Variants in ZNF816 observed in about 807,000 individuals in gnomAD.
ZNF816 encodes zinc finger protein 816.
A neutral mutation model predicts 8.3 loss-of-function variants in ZNF816; 11 were observed. The ratio of observed to expected loss-of-function variants is 1.32; its 90% CI spans 0.83 to 2.19. ZNF816 has a LOEUF of 2.19. Among genes scored for constraint, ZNF816 ranks in the 30% most tolerant of loss-of-function variants. The pLI, the probability that ZNF816 is intolerant of heterozygous loss-of-function variation, is 0.00. For missense variants in ZNF816, 710 were observed against 779.3 expected (o/e 0.91, Z 1.06); for synonymous variants, 255 against 254.5 (o/e 1.00, Z -0.02).
At position 52,955,090 on chromosome 19, in the gene ZNF816, T is replaced by A. The variant is rs544445879; in HGVS notation, c.63+937A>T. On this transcript the variant is annotated intron_variant, in intron 2 of 3. Transcript: ENST00000444460. ...AATGGGTAGAAAAAGAATGGCTCCA[T>A]CCTCTCTAACGACGTAAGTTGTGCT... 5.3e-5 allele frequency among the ~76,000 whole-genome samples: 8 copies of A among 152,196 alleles called. 1 individual carries two copies. In the South Asian group the frequency reaches 1.7e-3, roughly 32 times the overall value.
chr19:52,954,594 G>A (rs540456204), intron 2 of ZNF816, among the ~76,000 whole-genome samples: 2 of 152,234 alleles, frequency 1.3e-5, no homozygotes, highest in East Asian at 1.9e-4. Flanking sequence ...GGAGGCCGAC[G>A]TGGAAGGATC....
rs753104603 is a variant in ZNF816, at chr19:52,950,890, A to G, written c.885T>C (p.Thr295=). The stretch of plus-strand genomic sequence containing the variant: ...GATGGCATACAAGGGATGACATCTG[A>G]GTGAAGGTCTTCCCACACTCATTAC... ...YKCNECGKTF[T]QMSSLVCHRR... The change falls in exon 4 of 4, where the codon ACT becomes ACC. Residue 295 remains threonine, a synonymous_variant. Transcript: ENST00000444460. 3.7e-6 allele frequency: 6 copies of G among 1,614,174 alleles called. No homozygotes were observed. Among genetic ancestry groups the G allele is most frequent in the Non-Finnish European group, 5.1e-6 (6 of 1,180,026 alleles).
chr19:52,954,825 A>C (rs2083495684), intron 2 of ZNF816, among the ~76,000 whole-genome samples: 1 of 151,788 alleles, frequency 6.6e-6, no homozygotes, highest in Non-Finnish European at 1.5e-5. Flanking sequence ...AAAAAAAAAA[A>C]AAAAAACCCC....
rs2083448260 is a variant in ZNF816, at chr19:52,950,601, T to C, written c.1174A>G (p.Thr392Ala). 1.2e-6 allele frequency: 2 copies of C among 1,614,162 alleles called. No individual in the cohort carries two copies. The highest frequency in any genetic ancestry group is 1.7e-6 in the Non-Finnish European group (2 of 1,180,020). Reference protein sequence around the residue: ...SSLQCHHILHTGEKPYKCEEC... With the variant: ...SSLQCHHILHAGEKPYKCEEC... ...TCACATTTGTAAGGTTTCTCTCCAGTGTGAAGTATATGATGGCATTGAAGG... is the reference window on the plus strand; with the variant it reads ...TCACATTTGTAAGGTTTCTCTCCAGCGTGAAGTATATGATGGCATTGAAGG... Residue 392 changes from threonine to alanine, a missense_variant, in exon 4 of 4, where the codon ACT becomes GCT. Transcript: ENST00000444460.
chr19:52,960,661 G>A (rs530443565), intron 1 of ZNF816, among the ~76,000 whole-genome samples: 1 of 152,304 alleles, frequency 6.6e-6, no homozygotes, highest in South Asian at 2.1e-4. Context: ...TTTCTCCCCG[G>A]GTGATTGAGT....
chr19:52,949,569 C>T lies in ZNF816; in HGVS notation c.*250G>A, dbSNP rs1247915046. 5 of 718,126 alleles carry T rather than the reference C, an allele frequency of 7.0e-6. No individual in the cohort carries two copies. The highest frequency in any genetic ancestry group is 1.3e-5 in the Non-Finnish European group (5 of 392,850). 44.5% of individuals were successfully genotyped at this position (718,126 alleles called of 1,614,324 possible). A position where few individuals can be genotyped will look rare whatever the true frequency, so the allele number is the denominator to read the frequency against. Reference sequence around the variant, plus strand: ...CATGAAGTAAAGGCTTTGCCACAATCATCACACTTGTGAGGTTTCTCTCCT... The same window carrying T: ...CATGAAGTAAAGGCTTTGCCACAATTATCACACTTGTGAGGTTTCTCTCCT... On this transcript the variant is annotated 3_prime_UTR_variant, in exon 4 of 4. Coordinates refer to ENST00000444460, the MANE Select transcript of ZNF816 (RefSeq NM_001202457.3).
chr19:52,960,726 G>A (rs2083549330), intron 1 of ZNF816, among the ~76,000 whole-genome samples: 1 of 152,104 alleles, frequency 6.6e-6, no homozygotes, highest in Admixed American at 6.5e-5. Flanking sequence ...AAGTACCCCA[G>A]ACCGTCATCC....
At chr19:52,955,924 G>A (rs1034449486) in intron 2 of ZNF816, 103 bp downstream of exon 2, 73 of 1,435,610 alleles carry the variant, frequency 5.1e-5, no homozygotes, top group East Asian at 4.6e-4. Flanking sequence ...GCGAGCAAAC[G>A]TGTGATGTAG....
At chr19:52,961,838 C>A (rs932436983) in intron 1 of ZNF816, among the ~76,000 whole-genome samples, 1 of 152,170 alleles carries the variant, frequency 6.6e-6, no homozygotes, top group Non-Finnish European at 1.5e-5. Flanking sequence ...TGTTGGAGAC[C>A]GATGGCCTCA....
chr19:52,959,237 C>A (rs571577860), intron 1 of ZNF816, among the ~76,000 whole-genome samples: 61 of 152,338 alleles, frequency 4.0e-4, no homozygotes, highest in African/African-American at 1.4e-3. Flanking sequence ...CAAAAGACAT[C>A]ATTGGCTAAT....
rs2083446202 is a variant in ZNF816 at position 52,950,441 on chromosome 19, C to A, written c.1334G>T (p.Arg445Ile). 1 of 1,613,272 alleles carries A rather than the reference C, an allele frequency of 6.2e-7. No homozygotes were observed. The highest frequency in any genetic ancestry group is 8.5e-7 in the Non-Finnish European group (1 of 1,179,930). ...RSDSYLAEHQ[R>I]VHTGEKPYKC... The stretch of plus-strand genomic sequence containing the variant: ...GTATGGTTTCTCTCCAGTATGAACT[C>A]TCTGATGTTCTGCAAGGTATGAATC... The change falls in exon 4 of 4, where the codon AGA becomes ATA. Residue 445 changes from arginine to isoleucine, a missense_variant. By Grantham distance (97) the Arg-to-Ile change is moderately conservative. Coordinates refer to ENST00000444460, the MANE Select transcript of ZNF816 (RefSeq NM_001202457.3).
Position 52,949,798 on chromosome 19 carries a change from C to G in ZNF816, c.*21G>C. 6.2e-7 allele frequency: 1 copy of G among 1,613,462 alleles called. No homozygotes were observed. Among genetic ancestry groups the G allele is most frequent in the East Asian group, 2.2e-5 (1 of 44,854 alleles). On this transcript the variant is annotated 3_prime_UTR_variant, in exon 4 of 4. Transcript: ENST00000444460. The stretch of plus-strand genomic sequence containing the variant: ...ATGATTTGCAATGGTTGTAGCATTA[C>G]TGAAGACTTTGTGACAATCATTACA...
chr19:52,955,396 C>A (rs2083501229), intron 2 of ZNF816, among the ~76,000 whole-genome samples: 1 of 152,200 alleles, frequency 6.6e-6, no homozygotes, highest in Admixed American at 6.5e-5. Context: ...CTGTCTCACA[C>A]CTGTAATCCC....
chr19:52,952,665 C>G (rs770780676), intron 3 of ZNF816, 86 bp downstream of exon 3: 3 of 1,594,036 alleles, frequency 1.9e-6, no homozygotes, highest in Non-Finnish European at 2.6e-6. Context: ...ATGTATGGGG[C>G]AAAATCACAA....
chr19:52,949,646 C>G lies in ZNF816; in HGVS notation c.*173G>C. The G allele has an allele frequency of 9.6e-7, 1 of 1,043,900 alleles. No homozygotes were observed. The highest frequency in any genetic ancestry group is 1.5e-6 in the Non-Finnish European group (1 of 678,002). The allele number at this position is 1,043,900 out of a possible 1,614,324, so 64.7% of individuals were successfully genotyped here. Reference sequence around the variant, plus strand: ...TGAAGCTTGACTGAAGACCTTGTCACAGTCATGATATTTGTAAGGTTTCTC... The same window carrying G: ...TGAAGCTTGACTGAAGACCTTGTCAGAGTCATGATATTTGTAAGGTTTCTC... On this transcript the variant is annotated 3_prime_UTR_variant, in exon 4 of 4. Transcript: ENST00000444460.
chr19:52,959,746 G>C (rs2083540709), intron 1 of ZNF816, among the ~76,000 whole-genome samples: 1 of 152,140 alleles, frequency 6.6e-6, no homozygotes, highest in Non-Finnish European at 1.5e-5. Context: ...AAGAAATCTT[G>C]CAATTATTAG....
chr19:52,954,081 G>A lies in ZNF816; in HGVS notation c.64-1204C>T, dbSNP rs140967587. Among the ~76,000 whole-genome samples, 84 of 144,420 alleles carry A rather than the reference G, an allele frequency of 5.8e-4. 2 individuals are homozygous for A. In the East Asian group the frequency reaches 0.015, roughly 26 times the overall value. 94.7% of individuals were successfully genotyped at this position (144,420 alleles called of 152,430 possible). A position where few individuals can be genotyped will look rare whatever the true frequency, so the allele number is the denominator to read the frequency against. The stretch of plus-strand genomic sequence containing the variant: ...AAGGTATATATATATTGCAAATAAT[G>A]TATTTTCTACATAAACCGTGGGATT... On this transcript the variant is annotated intron_variant, in intron 2 of 3. Transcript: ENST00000444460.
At chr19:52,960,761 T>C (rs998833084) in intron 1 of ZNF816, among the ~76,000 whole-genome samples, 1 of 152,006 alleles carries the variant, frequency 6.6e-6, no homozygotes, top group African/African-American at 2.4e-5. Flanking sequence ...GCTGTGAAGG[T>C]AGAAGGAATC....
At position 52,951,571 on chromosome 19, in the gene ZNF816, T is replaced by C. The variant is rs1313646810; in HGVS notation, c.204A>G (p.Lys68=). The C allele has an allele frequency of 5.8e-6, 9 of 1,543,238 alleles. No individual in the cohort carries two copies. Among genetic ancestry groups the C allele is most frequent in the Non-Finnish European group, 7.0e-6 (8 of 1,149,444 alleles). ...TGGTTGATGAGAACTCCATCATGGA[T>C]TTTAAAGAGCTATCTAAAAAATATA... ...RNLEFVDSSL[K]SMMEFSSTRH... The change falls in exon 4 of 4, where the codon AAA becomes AAG. Residue 68 remains lysine, a synonymous_variant. Coordinates refer to ENST00000444460, the MANE Select transcript of ZNF816 (RefSeq NM_001202457.3).
Sources: allele counts gnomAD v4.1 joint callset (sites outside exome capture counted in the v4.1 genomes callset), GRCh38; gene constraint gnomAD v4.1.1; transcripts MANE v1.5; gene names NCBI Gene and HGNC (gene_info 2026-07-23, HGNC 2026-07-21).